Variants in KLC1 observed in about 807,000 individuals in gnomAD.
KLC1 encodes kinesin light chain 1, also known as kinesin 2 60/70kDa.
In KLC1, 30 loss-of-function variants were observed where a neutral mutation model predicts 84.2. The observed-to-expected ratio is 0.36, with a 90% CI of 0.27 to 0.48. The LOEUF (loss-of-function observed/expected upper bound fraction) is 0.48, where lower values mean the gene tolerates loss of function less well. KLC1 is among the 20% of genes least tolerant of loss of function. The pLI, the probability that KLC1 is intolerant of heterozygous loss-of-function variation, is 0.99. For missense variants in KLC1, 499 were observed against 805.4 expected (o/e 0.62, Z 4.60); for synonymous variants, 289 against 293.3 (o/e 0.99, Z 0.15).
intron 1 of KLC1, among the ~76,000 whole-genome samples, chr14:103,643,851 G>A (rs1048062688): frequency 1.3e-5 from 2 of 151,878 alleles, no homozygotes; most frequent in East Asian, 1.9e-4. Flanking sequence ...TCACTTGAGC[G>A]CAGAAGGTGG....
intron 1 of KLC1, among the ~76,000 whole-genome samples, chr14:103,643,572 G>A (rs187101834): frequency 1.3e-5 from 2 of 152,288 alleles, no homozygotes; most frequent in African/African-American, 4.8e-5. Context: ...AAGGTGGTCG[G>A]GGCACAGCTT....
In KLC1 at chr14:103,700,724, T is replaced by C; in HGVS notation, c.1918T>C (p.Ter640GlnextTer92). Residue 640 changes from the stop codon to glutamine (Q), a stop_lost, in exon 16 of 17, where the codon TAA (stop) becomes CAA (glutamine). Coordinates refer to ENST00000334553, the MANE Select transcript of KLC1 (RefSeq NM_001394837.1). ...GCAGTGGCCTGGAAGACGCCACCGC[T>C]AACGTGAGTCCCACGGCCTGCAGCC... ...QQQWPGRRHR[*>Q] The C allele has an allele frequency of 6.3e-7, 1 of 1,597,570 alleles. No individual in the cohort carries two copies. Among genetic ancestry groups the C allele is most frequent in the East Asian group, 2.3e-5 (1 of 43,824 alleles).
At chr14:103,642,113 A>G (rs2077538974) in intron 1 of KLC1, among the ~76,000 whole-genome samples, 1 of 152,068 alleles carries the variant, frequency 6.6e-6, no homozygotes, top group Admixed American at 6.6e-5. Context: ...TATTTTTAGT[A>G]GAGACGGGGT....
intron 11 of KLC1, 92 bp downstream of exon 11, chr14:103,675,848 A>G (rs889172162): frequency 2.9e-6 from 3 of 1,028,138 alleles, no homozygotes; most frequent in East Asian, 2.4e-5. Flanking sequence ...ACCAATGTGT[A>G]GTGTTCCTTA....
intron 1 of KLC1, among the ~76,000 whole-genome samples, chr14:103,640,454 G>A (rs971151989): frequency 7.3e-5 from 11 of 151,584 alleles, no homozygotes; most frequent in Non-Finnish European, 1.6e-4. Flanking sequence ...GTCACCTCCC[G>A]GGTTCACGCC....
At chr14:103,685,676 A>G (rs1595553850) in intron 13 of KLC1, 2 of 1,289,360 alleles carry the variant, frequency 1.6e-6, no homozygotes, top group Non-Finnish European at 1.0e-6. Flanking sequence ...CTCCTGCATG[A>G]CGGGTGGCGC....
intron 15 of KLC1, 107 bp from the exon 16 acceptor site, chr14:103,700,548 C>CAG (rs1459938727): frequency 2.2e-6 from 2 of 907,290 alleles, no homozygotes; most frequent in Non-Finnish European, 3.4e-6. Context: ...GGCTGTCCCT[C>CAG]AAGTCCAAGG....
intron 14 of KLC1, among the ~76,000 whole-genome samples, chr14:103,688,403 G>A (rs574590551): frequency 1.3e-5 from 2 of 152,136 alleles, no homozygotes; most frequent in South Asian, 2.1e-4. Context: ...TTCCCGTCTC[G>A]GCCTCCCAAA....
intron 13 of KLC1, chr14:103,684,736 G>A (rs2151810903): frequency 2.1e-6 from 1 of 482,680 alleles, no homozygotes; most frequent in East Asian, 3.7e-5. Flanking sequence ...GTGTGTGTGT[G>A]TCACATGAAA....
At chr14:103,686,994 G>A (rs976585630) in intron 13 of KLC1, 87 bp from the exon 14 acceptor site, 7 of 1,096,774 alleles carry the variant, frequency 6.4e-6, no homozygotes, top group Admixed American at 4.4e-5. Flanking sequence ...GGCGGCCTTG[G>A]TGGAGCTCTT....
intron 15 of KLC1, chr14:103,695,669 C>G (rs2082406997): frequency 1.0e-6 from 1 of 985,328 alleles, no homozygotes; most frequent in Admixed American, 6.1e-5. Context: ...ATTTTAACCT[C>G]TTCAGACTGA....
intron 13 of KLC1, chr14:103,682,833 T>G (rs916595023): frequency 6.8e-6 from 1 of 148,082 alleles, no homozygotes; most frequent in African/African-American, 2.5e-5. Context: ...TGGAGTTAGG[T>G]GGCACAATCT....
chr14:103,649,562 C>CAAAAAAAAAA (rs35297746), intron 1 of KLC1, among the ~76,000 whole-genome samples: 2 of 75,778 alleles, frequency 2.6e-5, no homozygotes, highest in African/African-American at 1.1e-4. Flanking sequence ...GACCTCATCT[C>CAAAAAAAAAA]AAAAAAAAAA....
intron 1 of KLC1, among the ~76,000 whole-genome samples, chr14:103,650,939 G>A (rs944385512): frequency 1.3e-5 from 2 of 152,006 alleles, no homozygotes; most frequent in South Asian, 2.1e-4. Flanking sequence ...CCTCAGAAAC[G>A]CATTTTGTTT....
intron 1 of KLC1, among the ~76,000 whole-genome samples, chr14:103,648,468 T>C (rs2078128210): frequency 6.6e-6 from 1 of 152,100 alleles, no homozygotes; most frequent in African/African-American, 2.4e-5. Flanking sequence ...TACGAAAGAA[T>C]GATTGAAGTA....
At chr14:103,699,637 C>T in intron 15 of KLC1, 1 of 1,563,430 alleles carries the variant, frequency 6.4e-7, no homozygotes, top group Non-Finnish European at 8.8e-7. Flanking sequence ...GGTGACCAGA[C>T]CCCGTTTGGA....
chr14:103,659,887 T>G (rs1004905052), intron 3 of KLC1, among the ~76,000 whole-genome samples: 13 of 152,288 alleles, frequency 8.5e-5, no homozygotes, highest in Middle Eastern at 6.8e-3. Flanking sequence ...TCTTTCTGGC[T>G]TGCAGACTGC....
intron 14 of KLC1, among the ~76,000 whole-genome samples, chr14:103,689,805 T>C (rs1046271885): frequency 3.3e-5 from 5 of 152,190 alleles, no homozygotes; most frequent in African/African-American, 1.2e-4. Context: ...GCAAGAGTGG[T>C]AGGAAGAGAC....
At chr14:103,672,692 T>C (rs2080509996) in intron 7 of KLC1, among the ~76,000 whole-genome samples, 1 of 152,214 alleles carries the variant, frequency 6.6e-6, no homozygotes, top group South Asian at 2.1e-4. Context: ...CCCATTTCCT[T>C]ATCTTCAAAA....
Sources: allele counts gnomAD v4.1 joint callset (sites outside exome capture counted in the v4.1 genomes callset), GRCh38; gene constraint gnomAD v4.1.1; transcripts MANE v1.5; gene names NCBI Gene and HGNC (gene_info 2026-07-23, HGNC 2026-07-21).